The following PPP6R3 variants were observed in gnomAD, a reference collection of about 807,000 sequenced individuals.
PPP6R3 encodes serine/threonine-protein phosphatase 6 regulatory subunit 3.
A neutral mutation model predicts 110.7 loss-of-function variants in PPP6R3; 38 were observed. The ratio of observed to expected loss-of-function variants is 0.34; its 90% confidence interval spans 0.26 to 0.45. The LOEUF is 0.45. PPP6R3 is among the 20% of genes least tolerant of loss of function. The pLI is 1.00. For missense variants in PPP6R3, 870 were observed against 1,062.4 expected, an observed-to-expected ratio of 0.82 and a Z score of 2.52; for synonymous variants, 369 against 373.5, an observed-to-expected ratio of 0.99 and a Z score of 0.14.
At chr11:68,546,410 TC>T (rs2153681745) in intron 4 of PPP6R3, among the ~76,000 whole-genome samples, 1 of 152,338 alleles carries the variant, frequency 6.6e-6, no homozygotes, top group East Asian at 1.9e-4. Context: ...GCCCCGATTT[TC>T]AGTGTACACA....
chr11:68,588,538 A>G (rs1250426958), intron 16 of PPP6R3, among the ~76,000 whole-genome samples: 1 of 151,672 alleles, frequency 6.6e-6, no homozygotes, highest in Non-Finnish European at 1.5e-5. Context: ...GCTCACTGCA[A>G]GCTCCACCTC....
intron 1 of PPP6R3, among the ~76,000 whole-genome samples, chr11:68,519,181 A>G (rs1198835452): frequency 6.6e-5 from 10 of 152,214 alleles, no homozygotes; most frequent in Non-Finnish European, 1.5e-4. Flanking sequence ...CCTATGTTGG[A>G]TAAGAATAGA....
At position 68,564,543 on chromosome 11, in the gene PPP6R3, A is replaced by C. The variant is rs902988547; in HGVS notation, c.975+111A>C. 5 of 1,179,086 alleles carry C rather than the reference A, an allele frequency of 4.2e-6. No homozygotes were observed. In the Admixed American group the frequency reaches 1.3e-4, roughly 30 times the overall value. 73.0% of individuals were successfully genotyped at this position (1,179,086 alleles called of 1,614,324 possible). On this transcript the variant is annotated intron_variant, in intron 9 of 23. Coordinates refer to ENST00000393800, the MANE Select transcript of PPP6R3 (RefSeq NM_001164161.2). ...AGAACTGGCTGTGGTCTGCATGTAC[A>C]AAATGAGTGAAAAGATAACACTGCC...
chr11:68,507,246 AT>A (rs58191278), intron 1 of PPP6R3, among the ~76,000 whole-genome samples: 9,238 of 114,886 alleles, frequency 0.08, 785 homozygotes, highest in African/African-American at 0.24. Flanking sequence ...GTCTTTTTGC[AT>A]TTTTTTTTTT....
At position 68,475,544 on chromosome 11, in the gene PPP6R3, G is replaced by GC. The variant is rs529589190; in HGVS notation, c.-158+14723dup. ...CGGGGCAGCGGCCGGGCGGGGGCTG[G>GC]CCCCCCACCTCCCTCCCGGACGGGG... On this transcript the variant is annotated intron_variant, in intron 1 of 23. Transcript: ENST00000393800. 5.0e-3 allele frequency among the ~76,000 whole-genome samples: 699 copies of GC among 140,458 alleles called. 7 individuals are homozygous for GC. The highest frequency in any genetic ancestry group is 0.017 in the African/African-American group (640 of 38,352). The allele number at this position is 140,458 out of a possible 152,430, so 92.1% of individuals were successfully genotyped here. A position where few individuals can be genotyped will look rare whatever the true frequency, so the allele number is the denominator to read the frequency against.
intron 14 of PPP6R3, among the ~76,000 whole-genome samples, chr11:68,577,527 C>G (rs2099536566): frequency 6.6e-6 from 1 of 152,198 alleles, no homozygotes; most frequent in East Asian, 1.9e-4. Context: ...TCCAATTAAG[C>G]TTGTTACCAG....
intron 16 of PPP6R3, among the ~76,000 whole-genome samples, 155 bp downstream of exon 16, chr11:68,588,179 T>C (rs2099584563): frequency 6.6e-6 from 1 of 152,144 alleles, no homozygotes; most frequent in South Asian, 2.1e-4. Flanking sequence ...AGATTGGCCC[T>C]GGGACTGGAT....
intron 1 of PPP6R3, among the ~76,000 whole-genome samples, chr11:68,470,814 T>G (rs2098785862): frequency 1.3e-5 from 2 of 152,060 alleles, no homozygotes; most frequent in Non-Finnish European, 2.9e-5. Context: ...TTGTAGCTGG[T>G]GGGCGTTGCC....
chr11:68,528,809 T>C (rs1220983799), intron 2 of PPP6R3, among the ~76,000 whole-genome samples: 1 of 152,204 alleles, frequency 6.6e-6, no homozygotes, highest in Non-Finnish European at 1.5e-5. Flanking sequence ...AGTTTCACAT[T>C]TGGGTCTTGT....
chr11:68,596,073 T>C (rs1465863670), intron 18 of PPP6R3, 24 bp from the exon 19 acceptor site: 8 of 1,613,954 alleles, frequency 5.0e-6, no homozygotes, highest in Middle Eastern at 1.6e-4. Context: ...CAGTGTTAAA[T>C]ACTTGGGTCT....
intron 5 of PPP6R3, 127 bp downstream of exon 5, chr11:68,548,331 G>C (rs373370056): frequency 0.011 from 13,724 of 1,200,240 alleles, 103 homozygotes; most frequent in Non-Finnish European, 0.013. Flanking sequence ...CTGGGGAGCC[G>C]GTAACAGGGT....
intron 14 of PPP6R3, among the ~76,000 whole-genome samples, chr11:68,578,970 A>G (rs746567325): frequency 6.6e-6 from 1 of 152,216 alleles, no homozygotes; most frequent in Non-Finnish European, 1.5e-5. Context: ...ATGTTTTTGT[A>G]CTGACTTTGA....
chr11:68,567,238 C>T, intron 10 of PPP6R3, 72 bp downstream of exon 10: 4 of 1,389,292 alleles, frequency 2.9e-6, no homozygotes, highest in Non-Finnish European at 3.8e-6. Context: ...CAAGTTACAA[C>T]CTTACAAATT....
intron 1 of PPP6R3, 133 bp downstream of exon 1, chr11:68,460,960 C>A (rs1379724230): frequency 3.9e-5 from 6 of 151,986 alleles, no homozygotes; most frequent in East Asian, 3.9e-4. Flanking sequence ...CCCCTCCCCC[C>A]CCGGAATTCG....
At chr11:68,538,044 A>G (rs1258863232) in intron 3 of PPP6R3, among the ~76,000 whole-genome samples, 153 bp downstream of exon 3, 3 of 90,894 alleles carry the variant, frequency 3.3e-5, no homozygotes, top group African/African-American at 6.2e-5. Context: ...CGCAAAATCC[A>G]TTCTAGCAGT....
intron 1 of PPP6R3, among the ~76,000 whole-genome samples, chr11:68,487,800 T>A (rs1018678801): frequency 2.6e-5 from 4 of 152,180 alleles, no homozygotes; most frequent in Non-Finnish European, 5.9e-5. Context: ...GTGGGCTCTC[T>A]TGGTGAATGT....
At chr11:68,495,955 T>C (rs1031796521) in intron 1 of PPP6R3, among the ~76,000 whole-genome samples, 1 of 152,168 alleles carries the variant, frequency 6.6e-6, no homozygotes, top group African/African-American at 2.4e-5. Context: ...ACCAGCAATG[T>C]GTAAGGATTC....
chr11:68,470,406 C>T (rs775249350), intron 1 of PPP6R3, among the ~76,000 whole-genome samples: 1 of 149,952 alleles, frequency 6.7e-6, no homozygotes, highest in Non-Finnish European at 1.5e-5. Context: ...GGAGGGGCAG[C>T]GGAGGCCAGT....
intron 1 of PPP6R3, among the ~76,000 whole-genome samples, chr11:68,504,522 C>A (rs1307761881): frequency 6.6e-6 from 1 of 152,160 alleles, no homozygotes; most frequent in Admixed American, 6.6e-5. Context: ...GGATATCTTA[C>A]AATATCTTTA....
Sources: allele counts gnomAD v4.1 joint callset (sites outside exome capture counted in the v4.1 genomes callset), GRCh38; gene constraint gnomAD v4.1.1; transcripts MANE v1.5; gene names NCBI Gene and HGNC (gene_info 2026-07-23, HGNC 2026-07-21).